The following KIRREL1 variants were observed in gnomAD, a reference collection of about 807,000 sequenced individuals.
KIRREL1 encodes the protein kirre like nephrin family adhesion molecule 1.
KIRREL1 carries 25 observed loss-of-function variants against 83.3 expected under a neutral mutation model. The ratio of observed to expected loss-of-function variants is 0.30; its 90% CI spans 0.22 to 0.42. The LOEUF (loss-of-function observed/expected upper bound fraction) is 0.42. Among genes scored for constraint, KIRREL1 ranks in the 10% least tolerant of loss-of-function variants. KIRREL1 has a pLI of 1.00. For synonymous variants in KIRREL1, 388 were observed against 410.4 expected, an observed-to-expected ratio of 0.95 and a Z score of 0.66; for missense variants, 812 against 1,032.3, an observed-to-expected ratio of 0.79 and a Z score of 2.92.
chr1:158,086,502 C>T (rs1168565725), intron 4 of KIRREL1, 94 bp from the exon 5 acceptor site: 2 of 1,322,218 alleles, frequency 1.5e-6, no homozygotes, highest in South Asian at 1.4e-5. Flanking sequence ...TAAAGTACCC[C>T]TCCAGCCCAA....
chr1:158,043,940 C>A (rs1660707498), intron 1 of KIRREL1, among the ~76,000 whole-genome samples: 2 of 152,174 alleles, frequency 1.3e-5, no homozygotes, highest in Non-Finnish European at 2.9e-5. Flanking sequence ...CTCTTAGCCT[C>A]CACATTTCCA....
chr1:158,011,358 G>A (rs1425153179), intron 1 of KIRREL1, among the ~76,000 whole-genome samples: 1 of 152,184 alleles, frequency 6.6e-6, no homozygotes, highest in East Asian at 1.9e-4. Flanking sequence ...CGTGAGGGTT[G>A]GACCCTCGGA....
chr1:158,085,005 T>A (rs1332702976), intron 4 of KIRREL1, among the ~76,000 whole-genome samples: 1 of 152,206 alleles, frequency 6.6e-6, no homozygotes, highest in African/African-American at 2.4e-5. Flanking sequence ...AGCGGGGGTT[T>A]GTACCTGGGT....
At chr1:158,072,686 G>A (rs1242268951) in intron 1 of KIRREL1, among the ~76,000 whole-genome samples, 2 of 152,022 alleles carry the variant, frequency 1.3e-5, no homozygotes, top group East Asian at 3.9e-4. Flanking sequence ...AATGCTGGGT[G>A]GAACTTGGAG....
intron 1 of KIRREL1, among the ~76,000 whole-genome samples, chr1:157,996,455 TG>T (rs373106995): frequency 2.5e-4 from 38 of 151,810 alleles, no homozygotes; most frequent in African/African-American, 7.2e-4. Flanking sequence ...GCTGCCTCCG[TG>T]GGGGGGATGG....
At chr1:158,053,604 A>G (rs1660964537) in intron 1 of KIRREL1, among the ~76,000 whole-genome samples, 1 of 152,050 alleles carries the variant, frequency 6.6e-6, no homozygotes, top group Admixed American at 6.6e-5. Context: ...TTTGCCCTTT[A>G]CAGAGACCCT....
chr1:158,034,770 C>T (rs1289840706), intron 1 of KIRREL1, among the ~76,000 whole-genome samples: 16 of 152,130 alleles, frequency 1.1e-4, no homozygotes, highest in Admixed American at 9.2e-4. Flanking sequence ...GGTTGAGGGA[C>T]GGGAGACCCT....
At position 158,078,075 on chromosome 1, in the gene KIRREL1, C is replaced by A. The variant is rs1297903299; in HGVS notation, c.287C>A (p.Ala96Asp). The part of the protein sequence containing the change: ...EITDAELSDD[A>D]SYECQATEAA... ...ACAGATGCTGAGCTCTCTGACGACG[C>A]CTCTTACGAGTGCCAGGCCACGGAG... Residue 96 changes from alanine (A) to aspartate (D), a missense_variant, in exon 3 of 15, where the codon GCC becomes GAC. Ala to Asp is a moderately radical substitution (Grantham distance 126). Transcript: ENST00000359209. 2 of 1,614,040 alleles carry A rather than the reference C, an allele frequency of 1.2e-6. No individual in the cohort carries two copies. The highest frequency in any genetic ancestry group is 1.7e-6 in the Non-Finnish European group (2 of 1,180,038).
Position 158,097,978 on chromosome 1 carries a change from G to C in KIRREL1, c.*2858G>C, listed in dbSNP as rs955141015. The C allele has an allele frequency of 6.6e-6, 1 of 152,188 alleles. No homozygotes were observed. Among genetic ancestry groups the C allele is most frequent in the East Asian group, 1.9e-4 (1 of 5,188 alleles). The allele number at this position is 152,188 out of a possible 1,614,324, so 9.4% of individuals were successfully genotyped here. On this transcript the variant is annotated 3_prime_UTR_variant, in exon 15 of 15. Coordinates refer to ENST00000359209, the MANE Select transcript of KIRREL1 (RefSeq NM_018240.7). Reference sequence around the variant, plus strand: ...CTATTCTGGTTTTGTTATACCCATAGGGTTGGGGGTAGGGATGGGACTGCC... The same window carrying C: ...CTATTCTGGTTTTGTTATACCCATACGGTTGGGGGTAGGGATGGGACTGCC...
At chr1:158,089,348 A>G in intron 8 of KIRREL1, 154 bp from the exon 9 acceptor site, 1 of 1,171,818 alleles carries the variant, frequency 8.5e-7, no homozygotes, top group Non-Finnish European at 1.2e-6. Context: ...GAGTCAGAGC[A>G]TGGACCAAAA....
chr1:158,095,257 A>T lies in KIRREL1; in HGVS notation c.*137A>T. ...CCTCCCACCATGGCAGGTGGGGAGCAGGTCTCCCAGAAACACCCCGTCCCG... is the reference window on the plus strand; with the variant it reads ...CCTCCCACCATGGCAGGTGGGGAGCTGGTCTCCCAGAAACACCCCGTCCCG... On this transcript the variant is annotated 3_prime_UTR_variant, in exon 15 of 15. Coordinates refer to ENST00000359209, the MANE Select transcript of KIRREL1 (RefSeq NM_018240.7). 1 of 680,222 alleles carries T rather than the reference A, an allele frequency of 1.5e-6. No individual in the cohort carries two copies. Among genetic ancestry groups the T allele is most frequent in the Non-Finnish European group, 2.4e-6 (1 of 410,542 alleles). The allele number at this position is 680,222 out of a possible 1,614,324, so 42.1% of individuals were successfully genotyped here. A position where few individuals can be genotyped will look rare whatever the true frequency, so the allele number is the denominator to read the frequency against.
At chr1:158,086,104 C>T (rs1039034685) in intron 4 of KIRREL1, among the ~76,000 whole-genome samples, 2 of 152,088 alleles carry the variant, frequency 1.3e-5, no homozygotes, top group Middle Eastern at 3.2e-3. Context: ...ATATTAGTTT[C>T]GGTCCATCAG....
intron 1 of KIRREL1, among the ~76,000 whole-genome samples, chr1:157,994,015 G>A (rs1432148811): frequency 3.3e-5 from 5 of 152,240 alleles, no homozygotes; most frequent in Non-Finnish European, 5.9e-5. Flanking sequence ...GAGTAAAACG[G>A]GGAACCGAAC....
intron 10 of KIRREL1, among the ~76,000 whole-genome samples, chr1:158,090,824 T>C (rs1333505114): frequency 6.6e-6 from 1 of 152,210 alleles, no homozygotes; most frequent in Non-Finnish European, 1.5e-5. Context: ...GGAAGAAATC[T>C]TGAGCATTGT....
intron 1 of KIRREL1, among the ~76,000 whole-genome samples, chr1:158,057,035 A>G (rs1166855878): frequency 6.6e-6 from 1 of 152,108 alleles, no homozygotes; most frequent in Non-Finnish European, 1.5e-5. Context: ...GGACCCCAGC[A>G]TTCCTTCCTT....
At chr1:158,076,802 A>T (rs979934442) in intron 2 of KIRREL1, among the ~76,000 whole-genome samples, 1 of 152,256 alleles carries the variant, frequency 6.6e-6, no homozygotes, top group African/African-American at 2.4e-5. Flanking sequence ...AGCACTGGCT[A>T]TGTAGCTGGT....
chr1:158,091,456 C>T lies in KIRREL1; in HGVS notation c.1371C>T (p.Thr457=). The change falls in exon 11 of 15, where the codon ACC becomes ACT. Residue 457 remains threonine (T), a synonymous_variant. Transcript: ENST00000359209. ...NSGSGVLSTL[T]INNVMEADFQ... ...GCAGTGGGGTGCTATCCACGCTCAC[C>T]ATCAACAATGTCATGGAGGCCGACT... 1 of 1,614,218 alleles carries T rather than the reference C, an allele frequency of 6.2e-7. No homozygotes were observed. The highest frequency in any genetic ancestry group is 8.5e-7 in the Non-Finnish European group (1 of 1,180,032).
chr1:158,015,425 T>C (rs1185065656), intron 1 of KIRREL1, among the ~76,000 whole-genome samples: 1 of 152,152 alleles, frequency 6.6e-6, no homozygotes, highest in East Asian at 1.9e-4. Flanking sequence ...CATTGGAGAG[T>C]TGGGAACCAA....
chr1:157,998,494 A>G lies in KIRREL1; in HGVS notation c.52+4766A>G, dbSNP rs141058549. Among the ~76,000 whole-genome samples the G allele has an allele frequency of 7.0e-3, 1,063 of 152,360 alleles. 12 individuals are homozygous for G. The highest frequency in any genetic ancestry group is 0.024 in the African/African-American group (979 of 41,568). ...CTTTTTTCAAGGACTTGGCAAATAA[A>G]AAGGTTTGTTTCTAATATTAAACAC... On this transcript the variant is annotated intron_variant, in intron 1 of 14. Coordinates refer to ENST00000359209, the MANE Select transcript of KIRREL1 (RefSeq NM_018240.7).
Sources: allele counts gnomAD v4.1 joint callset (sites outside exome capture counted in the v4.1 genomes callset), GRCh38; gene constraint gnomAD v4.1.1; transcripts MANE v1.5; gene names NCBI Gene and HGNC (gene_info 2026-07-23, HGNC 2026-07-21).